RPS10: variants seen among roughly 807,000 people sequenced by gnomAD.
RPS10 encodes small ribosomal subunit protein eS10.
A neutral mutation model predicts 22.6 loss-of-function variants in RPS10; 2 were observed. The ratio of observed to expected loss-of-function variants is 0.09; its 90% CI spans 0.04 to 0.28. The LOEUF (loss-of-function observed/expected upper bound fraction) is 0.28. Among genes scored for constraint, RPS10 ranks in the 10% least tolerant of loss-of-function variants. The pLI is 1.00. For missense variants in RPS10, 137 were observed against 222.2 expected (o/e 0.62, Z 2.44); for synonymous variants, 70 against 75.9 (o/e 0.92, Z 0.40).
chr6:34,424,149 A>AAAAAAAAAAAAC (rs1765868304), intron 3 of RPS10: 1 of 148,392 alleles, frequency 6.7e-6, no homozygotes, highest in African/African-American at 2.5e-5. Context: ...TTAAAAAAAA[A>AAAAAAAAAAAAC]AAAAAAAAAA....
chr6:34,423,471 TAATGAGTGGCAAAAACA>T, intron 3 of RPS10, among the ~76,000 whole-genome samples: 1 of 152,294 alleles, frequency 6.6e-6, no homozygotes, highest in Non-Finnish European at 1.5e-5. Context: ...ATTAATCATG[TAATGAGTGGCAAAAACA>T]AATGTCAGGC....
intron 5 of RPS10, chr6:34,417,796 A>C (rs1765629034): frequency 1.4e-6 from 1 of 718,342 alleles, no homozygotes; most frequent in Non-Finnish European, 2.6e-6. Context: ...GTTCATACAT[A>C]CTCCTATGAA....
At chr6:34,424,080 C>T (rs1196208720) in intron 3 of RPS10, among the ~76,000 whole-genome samples, 2 of 140,210 alleles carry the variant, frequency 1.4e-5, no homozygotes, top group Non-Finnish European at 3.0e-5. Flanking sequence ...AGATAAAATA[C>T]AGGCCAAGCA....
intron 5 of RPS10, chr6:34,418,029 T>C (rs1765635720): frequency 5.5e-6 from 4 of 722,900 alleles, no homozygotes; most frequent in South Asian, 5.4e-5. Flanking sequence ...TACCTAACAT[T>C]ACATCAACTG....
intron 3 of RPS10, 45 bp downstream of exon 3, chr6:34,424,624 G>A (rs1765889215): frequency 1.2e-6 from 2 of 1,612,122 alleles, no homozygotes; most frequent in East Asian, 4.5e-5. Flanking sequence ...TTACACAAAA[G>A]AAACTATCTT....
chr6:34,422,918 TAA>T (rs1305153062), intron 3 of RPS10, among the ~76,000 whole-genome samples: 3 of 151,928 alleles, frequency 2.0e-5, no homozygotes, highest in Non-Finnish European at 1.5e-5. Context: ...CTGTCTCTAC[TAA>T]AATTACAAAA....
chr6:34,424,638 ATAGCTG>A, intron 3 of RPS10, 25 bp downstream of exon 3: 2 of 1,613,674 alleles, frequency 1.2e-6, no homozygotes, highest in Non-Finnish European at 1.7e-6. Context: ...CTATCTTCAA[ATAGCTG>A]AAGGGATTTG....
At chr6:34,417,571 C>T in intron 5 of RPS10, 24 bp from the exon 6 acceptor site, 1 of 1,613,354 alleles carries the variant, frequency 6.2e-7, no homozygotes, top group Non-Finnish European at 8.5e-7. Context: ...CACATCACAT[C>T]AGCATGAGCG....
At chr6:34,423,440 C>T (rs1172989710) in intron 3 of RPS10, among the ~76,000 whole-genome samples, 1 of 152,178 alleles carries the variant, frequency 6.6e-6, no homozygotes, top group African/African-American at 2.4e-5. Flanking sequence ...GCAGAATGAA[C>T]TCCTTTTAGA....
chr6:34,421,067 C>A (rs1765748088), intron 4 of RPS10, among the ~76,000 whole-genome samples: 1 of 141,640 alleles, frequency 7.1e-6, no homozygotes, highest in Non-Finnish European at 1.5e-5. Flanking sequence ...TGCAAAAATA[C>A]TAACAAAAGC....
chr6:34,424,456 G>A (rs941747774), intron 3 of RPS10: 2 of 589,434 alleles, frequency 3.4e-6, no homozygotes, highest in South Asian at 3.9e-5. Flanking sequence ...GAAAGTGACA[G>A]ACTATCTGTG....
chr6:34,420,141 T>G (rs905812651), intron 4 of RPS10, among the ~76,000 whole-genome samples: 1 of 152,210 alleles, frequency 6.6e-6, no homozygotes, highest in African/African-American at 2.4e-5. Flanking sequence ...GGAAATTTTG[T>G]ATTAGATCTA....
intron 3 of RPS10, among the ~76,000 whole-genome samples, chr6:34,423,060 A>T (rs966667540): frequency 2.0e-5 from 3 of 152,286 alleles, no homozygotes; most frequent in Non-Finnish European, 4.4e-5. Context: ...AGCCTAGGTG[A>T]CAGAATATAA....
intron 3 of RPS10, 127 bp from the exon 4 acceptor site, chr6:34,421,934 G>C: frequency 1.1e-6 from 1 of 886,592 alleles, no homozygotes. Context: ...GGGTTAATGG[G>C]GACAGGAACT....
At chr6:34,424,532 G>T in intron 3 of RPS10, 137 bp downstream of exon 3, 1 of 1,202,204 alleles carries the variant, frequency 8.3e-7, no homozygotes, top group Non-Finnish European at 1.2e-6. Flanking sequence ...CCAAGCCATG[G>T]GACAAAGGTT....
intron 5 of RPS10, chr6:34,417,987 T>C (rs1765634671): frequency 1.4e-6 from 1 of 701,770 alleles, no homozygotes; most frequent in Non-Finnish European, 2.6e-6. Flanking sequence ...CACCTTATTT[T>C]ATAGATGGAG....
At chr6:34,420,861 A>G (rs2113798762) in intron 4 of RPS10, among the ~76,000 whole-genome samples, 1 of 151,676 alleles carries the variant, frequency 6.6e-6, no homozygotes, top group African/African-American at 2.4e-5. Flanking sequence ...AAAAAAAATT[A>G]GCTGGGCATG....
In RPS10 at chr6:34,421,823, C is replaced by A; in HGVS notation, c.323-16G>T. 1.2e-6 allele frequency: 2 copies of A among 1,613,896 alleles called. No individual in the cohort carries two copies. The highest frequency in any genetic ancestry group is 4.5e-5 in the East Asian group (2 of 44,882). ...CCCTCCAGACCTATGTAAATCAAAC[C>A]ACACTGTGAACACAGGGCAATGTGA... On this transcript the variant is annotated splice_polypyrimidine_tract_variant and intron_variant, in intron 3 of 5. Coordinates refer to ENST00000648437, the MANE Select transcript of RPS10 (RefSeq NM_001014.5).
intron 4 of RPS10, among the ~76,000 whole-genome samples, chr6:34,419,877 C>T (rs1350790290): frequency 1.3e-5 from 2 of 152,078 alleles, no homozygotes; most frequent in African/African-American, 4.8e-5. Flanking sequence ...CGCGCCCGGC[C>T]CTGATTTATT....
Sources: gnomAD v4.1 joint callset for allele counts (sites outside exome capture counted in the v4.1 genomes callset) on GRCh38, gnomAD v4.1.1 for gene constraint, MANE v1.5 for transcripts, NCBI Gene and HGNC (gene_info 2026-07-23, HGNC 2026-07-21) for gene names.